ABAT: variants seen among roughly 807,000 people sequenced by gnomAD.
ABAT encodes 4-aminobutyrate aminotransferase, also known as 4-aminobutyrate aminotransferase, mitochondrial.
Under a neutral mutation model 64.6 loss-of-function variants are expected in ABAT, and 45 were observed. That is an observed-to-expected ratio of 0.70 (90% CI 0.55 to 0.89). ABAT has a LOEUF of 0.89. Among genes scored for constraint, ABAT ranks in the 40% least tolerant of loss-of-function variants. The probability of loss-of-function intolerance (pLI) is 0.00; values close to 1 mark genes in which losing one functional copy is unlikely to be tolerated. For synonymous variants in ABAT, 297 were observed against 250.5 expected, an observed-to-expected ratio of 1.19 and a Z score of -1.75; for missense variants, 633 against 658.4, an observed-to-expected ratio of 0.96 and a Z score of 0.42.
At chr16:8,706,354 G>C (rs1056474636) in intron 1 of ABAT, among the ~76,000 whole-genome samples, 1 of 146,496 alleles carries the variant, frequency 6.8e-6, no homozygotes, top group African/African-American at 2.5e-5. Context: ...GCAATGAGCT[G>C]TGATTTTACC....
chr16:8,682,317 T>C (rs893706405), intron 1 of ABAT, among the ~76,000 whole-genome samples: 5 of 152,156 alleles, frequency 3.3e-5, no homozygotes, highest in South Asian at 2.1e-4. Context: ...CCTTTGTTGG[T>C]TGGCTAGATT....
At chr16:8,752,498 C>G (rs1463503721) in intron 5 of ABAT, among the ~76,000 whole-genome samples, 1 of 152,200 alleles carries the variant, frequency 6.6e-6, no homozygotes, top group Non-Finnish European at 1.5e-5. Context: ...GTGGAGCACG[C>G]TGATAATCCC....
At chr16:8,693,289 G>C (rs1191173409) in intron 1 of ABAT, among the ~76,000 whole-genome samples, 1 of 151,988 alleles carries the variant, frequency 6.6e-6, no homozygotes, top group Non-Finnish European at 1.5e-5. Context: ...GACATACCTA[G>C]CTTTTTCTTA....
intron 2 of ABAT, among the ~76,000 whole-genome samples, chr16:8,744,531 C>G (rs116884789): frequency 0.032 from 4,810 of 151,880 alleles, 241 homozygotes; most frequent in African/African-American, 0.11. Flanking sequence ...CCACACCCGG[C>G]TAGTTTTTAT....
At chr16:8,780,340 T>C in intron 15 of ABAT, 1 of 159,114 alleles carries the variant, frequency 6.3e-6, no homozygotes, top group Non-Finnish European at 1.4e-5. Context: ...TGTGGTGAGA[T>C]CAGAGCACGT....
At position 8,750,540 on chromosome 16, in the gene ABAT, G is replaced by T; in HGVS notation, c.316+1G>T. The T allele has an allele frequency of 6.2e-7, 1 of 1,611,822 alleles. No individual in the cohort carries two copies. The highest frequency in any genetic ancestry group is 8.5e-7 in the Non-Finnish European group (1 of 1,177,984). On this transcript the variant is annotated splice_donor_variant, in intron 5 of 15. Transcript: ENST00000268251. LOFTEE classifies it high-confidence loss of function. ...TCCCAGATCTCCTCTGTCCCCATAG[G>T]TAAGAGCTGGGAAATCATTCCTTGG...
In ABAT at chr16:8,750,502, G is replaced by A. The variant is rs1555490154; in HGVS notation, c.279G>A (p.Met93Ile). ...TGGTTGATGTGGACGGCAACCGAAT[G>A]CTGGATCTTTATTCCCAGATCTCCT... is the stretch of plus-strand genomic sequence containing the variant. The part of the protein sequence containing the change: ...NYLVDVDGNR[M>I]LDLYSQISSV... The change falls in exon 5 of 16, where the codon ATG becomes ATA. Residue 93 changes from methionine (M) to isoleucine (I), a missense_variant. By Grantham distance (10) the Met-to-Ile change is conservative. Coordinates refer to ENST00000268251, the MANE Select transcript of ABAT (RefSeq NM_020686.6). The A allele has an allele frequency of 4.3e-6, 7 of 1,614,052 alleles. No homozygotes were observed. Among genetic ancestry groups the A allele is most frequent in the Non-Finnish European group, 5.9e-6 (7 of 1,180,016 alleles).
At chr16:8,684,605 G>A (rs1379033767) in intron 1 of ABAT, among the ~76,000 whole-genome samples, 1 of 151,818 alleles carries the variant, frequency 6.6e-6, no homozygotes, top group African/African-American at 2.4e-5. Flanking sequence ...TGTAGTCCCA[G>A]CTACTCAGGA....
At chr16:8,732,790 A>G (rs1233954916) in intron 1 of ABAT, among the ~76,000 whole-genome samples, 2 of 147,556 alleles carry the variant, frequency 1.4e-5, no homozygotes, top group South Asian at 4.3e-4. Flanking sequence ...ACTTCCCAGT[A>G]GGGGCGGCCG....
intron 1 of ABAT, among the ~76,000 whole-genome samples, chr16:8,730,448 G>A (rs141081928): frequency 4.3e-4 from 65 of 152,258 alleles, no homozygotes; most frequent in Non-Finnish European, 7.8e-4. Context: ...CTGTGCTGCT[G>A]AGCCCACGTG....
chr16:8,698,378 G>A (rs1189668811), intron 1 of ABAT, among the ~76,000 whole-genome samples: 2 of 151,492 alleles, frequency 1.3e-5, no homozygotes, highest in Non-Finnish European at 2.9e-5. Context: ...TTGTCCCCCA[G>A]GCTAGAGTGC....
At chr16:8,770,933 A>T (rs1257042301) in intron 11 of ABAT, among the ~76,000 whole-genome samples, 1 of 152,156 alleles carries the variant, frequency 6.6e-6, no homozygotes, top group Non-Finnish European at 1.5e-5. Context: ...ACAAACTAAG[A>T]TAGTCCTTTT....
At chr16:8,742,054 T>C (rs1329336489) in intron 2 of ABAT, among the ~76,000 whole-genome samples, 1 of 152,228 alleles carries the variant, frequency 6.6e-6, no homozygotes, top group Non-Finnish European at 1.5e-5. Context: ...GAAAACATGA[T>C]AGGAGCTGAT....
rs761529074 is a variant in ABAT at position 8,764,606 on chromosome 16, G to A, written c.448-132G>A. On this transcript the variant is annotated intron_variant, in intron 7 of 15. Coordinates refer to ENST00000268251, the MANE Select transcript of ABAT (RefSeq NM_020686.6). The surrounding 1 kb of genome is among the most constrained non-coding windows in gnomAD (Gnocchi z 4.2). ...AAGCCTGAGCCCACCCTCCCAGTCC[G>A]ACACCTTCCAGGACAGCCCTGGTTC... The A allele has an allele frequency of 3.8e-5, 34 of 896,302 alleles. 2 individuals carry two copies. The South Asian group carries it at 3.9e-4, about 10-fold the overall frequency. The allele number at this position is 896,302 out of a possible 1,614,324, so 55.5% of individuals were successfully genotyped here.
chr16:8,766,086 T>G, intron 8 of ABAT, 122 bp from the exon 9 acceptor site: 2 of 874,320 alleles, frequency 2.3e-6, no homozygotes, highest in Non-Finnish European at 1.9e-6. Flanking sequence ...AATTAATACA[T>G]GAGATCCACT....
At chr16:8,712,007 G>C (rs1230507819) in intron 1 of ABAT, among the ~76,000 whole-genome samples, 5 of 151,740 alleles carry the variant, frequency 3.3e-5, no homozygotes, top group Non-Finnish European at 5.9e-5. Context: ...TGGGAGGTCG[G>C]GGGGGAGGGG....
At chr16:8,774,724 T>C (rs2060215822) in intron 12 of ABAT, among the ~76,000 whole-genome samples, 166 bp from the exon 13 acceptor site, 1 of 152,222 alleles carries the variant, frequency 6.6e-6, no homozygotes, top group South Asian at 2.1e-4. Flanking sequence ...AGTGTTTTGA[T>C]TAGTTTTTTT....
At chr16:8,745,226 C>T (rs1215567386) in intron 2 of ABAT, among the ~76,000 whole-genome samples, 1 of 152,148 alleles carries the variant, frequency 6.6e-6, no homozygotes, top group African/African-American at 2.4e-5. Flanking sequence ...AAGGGATCCA[C>T]CCACCTTCGA....
chr16:8,684,633 C>A (rs572535482), intron 1 of ABAT, among the ~76,000 whole-genome samples: 1 of 151,152 alleles, frequency 6.6e-6, no homozygotes. Flanking sequence ...GCAGGAGGGT[C>A]GCTTGAGTCA....
Sources: gnomAD v4.1 joint callset for allele counts (sites outside exome capture counted in the v4.1 genomes callset) on GRCh38, gnomAD v4.1.1 for gene constraint, Gnocchi (gnomAD v3.1) non-coding constraint, MANE v1.5 for transcripts, NCBI Gene and HGNC (gene_info 2026-07-23, HGNC 2026-07-21) for gene names.